HORMAD2: variants seen among roughly 807,000 people sequenced by gnomAD.
The protein encoded by HORMAD2 is HORMA domain containing 2.
In HORMAD2, 45 loss-of-function variants were observed where a neutral mutation model predicts 38.8. The ratio of observed to expected loss-of-function variants is 1.16; its 90% CI spans 0.91 to 1.49. The LOEUF (loss-of-function observed/expected upper bound fraction) is 1.49. HORMAD2 is among the 40% of genes most tolerant of loss of function. HORMAD2 has a pLI of 0.00. For missense variants in HORMAD2, 338 were observed against 367.0 expected (o/e 0.92, Z 0.65); for synonymous variants, 126 against 122.8 (o/e 1.03, Z -0.17).
chr22:30,099,062 T>C, intron 3 of HORMAD2, 69 bp downstream of exon 3: 2 of 1,367,276 alleles, frequency 1.5e-6, no homozygotes, highest in Non-Finnish European at 2.0e-6. Flanking sequence ...AATAAACCTT[T>C]CACGTCTCAC....
chr22:30,114,387 C>A (rs143122206), intron 7 of HORMAD2, among the ~76,000 whole-genome samples: 1 of 152,278 alleles, frequency 6.6e-6, no homozygotes, highest in Non-Finnish European at 1.5e-5. Flanking sequence ...AATGTAACTA[C>A]TACTGTGGTA....
At chr22:30,162,280 C>T (rs1404756870) in intron 10 of HORMAD2, among the ~76,000 whole-genome samples, 2 of 151,636 alleles carry the variant, frequency 1.3e-5, no homozygotes, top group Non-Finnish European at 2.9e-5. Context: ...CACCACTGCA[C>T]CCCAGCCTAG....
At chr22:30,149,605 G>A (rs1466642554) in intron 10 of HORMAD2, among the ~76,000 whole-genome samples, 2 of 152,140 alleles carry the variant, frequency 1.3e-5, no homozygotes, top group African/African-American at 4.8e-5. Context: ...CTGGTATTGG[G>A]CTCTCATCCT....
chr22:30,113,044 T>C (rs1251030710), intron 7 of HORMAD2, among the ~76,000 whole-genome samples: 1 of 152,130 alleles, frequency 6.6e-6, no homozygotes, highest in Non-Finnish European at 1.5e-5. Context: ...TCTCTTTAGA[T>C]TTCTTCCCTC....
intron 10 of HORMAD2, among the ~76,000 whole-genome samples, chr22:30,124,770 T>A (rs1046128729): frequency 6.6e-6 from 1 of 152,198 alleles, no homozygotes; most frequent in Non-Finnish European, 1.5e-5. Context: ...CTGGTACACC[T>A]GTCAAAGAGT....
At chr22:30,207,438 A>G in the HORMAD2 span, among the ~76,000 whole-genome samples, 1 of 151,980 alleles carries the variant, frequency 6.6e-6, no homozygotes, top group Non-Finnish European at 1.5e-5. Context: ...TCTTTACCCA[A>G]ATGCCATCCT....
intron 10 of HORMAD2, among the ~76,000 whole-genome samples, chr22:30,138,568 T>C (rs916413132): frequency 5.3e-5 from 8 of 152,326 alleles, no homozygotes; most frequent in Non-Finnish European, 1.0e-4. Context: ...ATACAATTTA[T>C]AAATATTGTC....
chr22:30,104,593 G>A, intron 5 of HORMAD2, 156 bp downstream of exon 5: 1 of 555,772 alleles, frequency 1.8e-6, no homozygotes. Context: ...TTATTGTCCT[G>A]TTGTTGTCTC....
chr22:30,095,814 A>G (rs1349606194), intron 2 of HORMAD2, among the ~76,000 whole-genome samples: 1 of 152,218 alleles, frequency 6.6e-6, no homozygotes, highest in African/African-American at 2.4e-5. Context: ...CTGGGAGTAT[A>G]TATTCATATA....
chr22:30,128,563 TA>T (rs1345240188), intron 10 of HORMAD2, among the ~76,000 whole-genome samples: 2 of 152,330 alleles, frequency 1.3e-5, no homozygotes, highest in East Asian at 1.9e-4. Flanking sequence ...TGAAAGCATT[TA>T]AAAAATTTTT....
intron 10 of HORMAD2, among the ~76,000 whole-genome samples, chr22:30,149,415 T>G (rs944914838): frequency 3.9e-5 from 6 of 152,240 alleles, no homozygotes; most frequent in Admixed American, 1.3e-4. Context: ...GTGTTCTAGC[T>G]AGTGGCTACT....
In HORMAD2 at chr22:30,176,369, A is replaced by G. The variant is rs1926461287; in HGVS notation, c.*202A>G. 3 of 525,330 alleles carry G rather than the reference A, an allele frequency of 5.7e-6. No homozygotes were observed. The highest frequency in any genetic ancestry group is 6.3e-5 in the East Asian group (2 of 31,536). The allele number at this position is 525,330 out of a possible 1,614,324, so 32.5% of individuals were successfully genotyped here. A position where few individuals can be genotyped will look rare whatever the true frequency, so the allele number is the denominator to read the frequency against. On this transcript the variant is annotated 3_prime_UTR_variant, in exon 11 of 11. Transcript: ENST00000336726. ...ACTTTGCCATAAGGAAAGCGGGTCA[A>G]TAGGGCTGCCTCTGGATAGCATTAC...
chr22:30,207,119 C>T, the HORMAD2 span: 375 of 470,270 alleles, frequency 8.0e-4, 8 homozygotes, highest in East Asian at 0.024. Flanking sequence ...TGTCAGGAGG[C>T]GGGAATGCAG....
chr22:30,169,211 C>T (rs1569120146), intron 10 of HORMAD2, among the ~76,000 whole-genome samples: 2 of 152,132 alleles, frequency 1.3e-5, no homozygotes, highest in African/African-American at 2.4e-5. Flanking sequence ...GGAACCCCTG[C>T]TGTACCCTAT....
intron 3 of HORMAD2, among the ~76,000 whole-genome samples, chr22:30,102,973 T>C (rs1207395618): frequency 1.3e-5 from 2 of 152,168 alleles, no homozygotes; most frequent in African/African-American, 4.8e-5. Flanking sequence ...TTCTTAAGTA[T>C]AAAAAGGTAG....
upstream of HORMAD2, among the ~76,000 whole-genome samples, chr22:30,079,865 A>G (rs942529245): frequency 4.6e-5 from 7 of 152,114 alleles, no homozygotes; most frequent in Non-Finnish European, 7.4e-5. Context: ...TTTTTTGTAG[A>G]GACGGGTTTT....
At chr22:30,183,274 G>A in the HORMAD2 span, among the ~76,000 whole-genome samples, 41 of 152,352 alleles carry the variant, frequency 2.7e-4, no homozygotes, top group South Asian at 8.5e-3. Context: ...TTGTTTGAAT[G>A]TTTTTTAACT....
At chr22:30,117,002 TA>T (rs1922092011) in intron 7 of HORMAD2, among the ~76,000 whole-genome samples, 1 of 152,230 alleles carries the variant, frequency 6.6e-6, no homozygotes, top group South Asian at 2.1e-4. Context: ...CTGTCTCTCC[TA>T]TTGTATTTAC....
chr22:30,111,900 C>A (rs552510448), intron 6 of HORMAD2, 84 bp downstream of exon 6: 4 of 997,214 alleles, frequency 4.0e-6, no homozygotes, highest in Non-Finnish European at 5.8e-6. Flanking sequence ...CAGTACTCTC[C>A]CTCTTCCTCC....
Sources: gnomAD v4.1 joint callset for allele counts (sites outside exome capture counted in the v4.1 genomes callset) on GRCh38, gnomAD v4.1.1 for gene constraint, MANE v1.5 for transcripts, NCBI Gene and HGNC (gene_info 2026-07-23, HGNC 2026-07-21) for gene names.